Variants in KIAA1217 observed in about 807,000 individuals in gnomAD.
KIAA1217 encodes the protein sickle tail protein homolog.
KIAA1217 carries 88 observed loss-of-function variants against 163.9 expected under a neutral mutation model. The ratio of observed to expected loss-of-function variants is 0.54; its 90% confidence interval spans 0.45 to 0.64. KIAA1217 has a LOEUF of 0.64. Among genes scored for constraint, KIAA1217 ranks in the 30% least tolerant of loss-of-function variants. The probability of loss-of-function intolerance (pLI) is 0.00; values close to 1 mark genes in which losing one functional copy is unlikely to be tolerated. For missense variants in KIAA1217, 2,372 were observed against 2,475.0 expected, an observed-to-expected ratio of 0.96 and a Z score of 0.88; for synonymous variants, 903 against 923.1, an observed-to-expected ratio of 0.98 and a Z score of 0.39.
intron 2 of KIAA1217, among the ~76,000 whole-genome samples, chr10:24,074,825 A>G (rs1334601982): frequency 2.0e-5 from 3 of 151,372 alleles, no homozygotes; most frequent in African/African-American, 7.3e-5. Context: ...TCAGCCCCCT[A>G]AGTAGCTGAC....
At chr10:24,538,732 G>T (rs1377261811) in intron 17 of KIAA1217, among the ~76,000 whole-genome samples, 16 of 87,752 alleles carry the variant, frequency 1.8e-4, no homozygotes, top group East Asian at 3.1e-4. Flanking sequence ...ATTGTTTTTG[G>T]TTTTTTTTTT....
At chr10:24,484,220 TATAC>T (rs1438186539) in intron 6 of KIAA1217, among the ~76,000 whole-genome samples, 1 of 126,352 alleles carries the variant, frequency 7.9e-6, no homozygotes, top group African/African-American at 3.1e-5. Context: ...GATAGATAGA[TATAC>T]ATATATATAT....
chr10:24,352,833 C>A (rs1221633975), intron 2 of KIAA1217, among the ~76,000 whole-genome samples: 1 of 152,036 alleles, frequency 6.6e-6, no homozygotes, highest in South Asian at 2.1e-4. Flanking sequence ...ATATGAGTGA[C>A]CTCGACTTTG....
chr10:24,330,263 G>A (rs550479382), intron 2 of KIAA1217, among the ~76,000 whole-genome samples: 1 of 147,064 alleles, frequency 6.8e-6, no homozygotes, highest in South Asian at 2.2e-4. Flanking sequence ...CCACACCACT[G>A]CACTCCAGCC....
intron 1 of KIAA1217, among the ~76,000 whole-genome samples, chr10:24,001,578 G>T (rs1281156139): frequency 6.6e-6 from 1 of 152,192 alleles, no homozygotes; most frequent in African/African-American, 2.4e-5. Context: ...TGGCATGTGT[G>T]TATTTTTATT....
At position 24,219,635 on chromosome 10, in the gene KIAA1217, A is replaced by T; in HGVS notation, c.80A>T (p.Lys27Ile). 6.3e-7 allele frequency: 1 copy of T among 1,596,932 alleles called. No homozygotes were observed. The highest frequency in any genetic ancestry group is 1.1e-5 in the South Asian group (1 of 88,260). ...TTTTTTTGTCTTTCAGAACAAGGCA[A>T]AGGCAATCTGCATGTAACATCACCA... ...ADRRQMQEQG[K>I]GNLHVTSPED... The change falls in exon 2 of 21, where the codon AAA (lysine) becomes ATA (isoleucine). Residue 27 changes from lysine to isoleucine, a missense_variant. Physicochemically the swap from Lys to Ile is moderately radical, Grantham distance 102. Around this residue, in one of 3 missense-constraint regions of KIAA1217, gnomAD observed 1,431 missense variants for 1,470.3 expected, o/e 0.97. Coordinates refer to ENST00000376454, the MANE Select transcript of KIAA1217 (RefSeq NM_019590.5).
intron 1 of KIAA1217, among the ~76,000 whole-genome samples, chr10:23,716,953 T>C (rs1344802906): frequency 1.3e-5 from 2 of 152,146 alleles, no homozygotes; most frequent in African/African-American, 4.8e-5. Context: ...GGCTTATTTA[T>C]ACTTGTCACT....
At chr10:24,119,782 A>C (rs2063206097) in intron 2 of KIAA1217, among the ~76,000 whole-genome samples, 1 of 152,204 alleles carries the variant, frequency 6.6e-6, no homozygotes, top group African/African-American at 2.4e-5. Flanking sequence ...TACCTCTCCC[A>C]GCAGTTATTT....
intron 2 of KIAA1217, among the ~76,000 whole-genome samples, chr10:24,099,586 T>TATATATATATTATA (rs1306527831): frequency 7.0e-6 from 1 of 143,456 alleles, no homozygotes; most frequent in African/African-American, 2.6e-5. Flanking sequence ...TATATATATA[T>TATATATATATTATA]TATATATATA....
intron 1 of KIAA1217, among the ~76,000 whole-genome samples, chr10:23,895,477 A>T (rs1263129033): frequency 6.6e-6 from 1 of 152,188 alleles, no homozygotes; most frequent in Non-Finnish European, 1.5e-5. Context: ...GGCAATCATT[A>T]AAAAGTCAGG....
intron 3 of KIAA1217, among the ~76,000 whole-genome samples, chr10:24,418,144 A>C (rs1007801090): frequency 2.0e-5 from 3 of 151,384 alleles, no homozygotes; most frequent in Non-Finnish European, 4.4e-5. Flanking sequence ...TTTTTTGTAG[A>C]GATCATCTCA....
chr10:23,955,749 C>T (rs1417082270), intron 1 of KIAA1217, among the ~76,000 whole-genome samples: 6 of 152,164 alleles, frequency 3.9e-5, no homozygotes, highest in Non-Finnish European at 7.3e-5. Context: ...TAAAGGAGAG[C>T]TTAACTATAA....
chr10:24,037,662 G>A, intron 2 of KIAA1217, among the ~76,000 whole-genome samples: 1 of 152,172 alleles, frequency 6.6e-6, no homozygotes, highest in East Asian at 1.9e-4. Context: ...GATTAAAGCA[G>A]CATTCTTGGA....
At chr10:24,271,314 C>G (rs1041824355) in intron 2 of KIAA1217, among the ~76,000 whole-genome samples, 3 of 152,118 alleles carry the variant, frequency 2.0e-5, no homozygotes, top group African/African-American at 7.2e-5. Flanking sequence ...AGTGAAATTT[C>G]ATGGTCATAT....
chr10:24,427,583 G>A (rs2059275612), intron 3 of KIAA1217, among the ~76,000 whole-genome samples: 1 of 152,164 alleles, frequency 6.6e-6, no homozygotes, highest in South Asian at 2.1e-4. Flanking sequence ...CATCTGACAA[G>A]AGATACTGTG....
At chr10:23,986,630 G>A (rs1257941669) in intron 1 of KIAA1217, among the ~76,000 whole-genome samples, 2 of 151,966 alleles carry the variant, frequency 1.3e-5, no homozygotes, top group Admixed American at 1.3e-4. Flanking sequence ...GTCCACATAC[G>A]TGGAACCTGT....
intron 2 of KIAA1217, among the ~76,000 whole-genome samples, chr10:24,380,547 C>G (rs1159376269): frequency 6.6e-6 from 1 of 151,956 alleles, no homozygotes; most frequent in Non-Finnish European, 1.5e-5. Context: ...GAGGCTGAGG[C>G]ACAAGAATTG....
intron 2 of KIAA1217, among the ~76,000 whole-genome samples, chr10:24,221,782 C>G (rs2069686548): frequency 6.6e-6 from 1 of 152,154 alleles, no homozygotes; most frequent in Admixed American, 6.5e-5. Context: ...TGCCTGTAAT[C>G]CCAACACTTT....
intron 1 of KIAA1217, among the ~76,000 whole-genome samples, chr10:23,736,734 C>T (rs1448288194): frequency 6.6e-6 from 1 of 152,114 alleles, no homozygotes; most frequent in Non-Finnish European, 1.5e-5. Context: ...CTGTGTTGCC[C>T]AGGCTGGTCT....
Sources: allele counts gnomAD v4.1 joint callset (sites outside exome capture counted in the v4.1 genomes callset), GRCh38; gene constraint gnomAD v4.1.1; regional missense constraint gnomAD v4.1.1; transcripts MANE v1.5; gene names NCBI Gene and HGNC (gene_info 2026-07-23, HGNC 2026-07-21).